MYO3B: variants seen among roughly 807,000 people sequenced by gnomAD.
MYO3B encodes the protein myosin IIIB.
In MYO3B, 156 loss-of-function variants were observed where a neutral mutation model predicts 174.6. The observed-to-expected ratio is 0.89, with a 90% CI of 0.78 to 1.02. The LOEUF is 1.02. Ranked by LOEUF, MYO3B falls within the 50% of genes least tolerant of loss-of-function variation. The pLI, the probability that MYO3B is intolerant of heterozygous loss-of-function variation, is 0.00. For missense variants in MYO3B, 1,632 were observed against 1,639.4 expected (o/e 1.00, Z 0.08); for synonymous variants, 563 against 569.1 (o/e 0.99, Z 0.15).
At chr2:170,576,702 C>T (rs1692809733) in intron 32 of MYO3B, among the ~76,000 whole-genome samples, 1 of 152,176 alleles carries the variant, frequency 6.6e-6, no homozygotes, top group Non-Finnish European at 1.5e-5. Flanking sequence ...CTGCTATAGT[C>T]CTTGTTACTA....
chr2:170,303,399 T>C (rs939167599), intron 7 of MYO3B, among the ~76,000 whole-genome samples: 4 of 152,154 alleles, frequency 2.6e-5, no homozygotes, highest in Non-Finnish European at 5.9e-5. Flanking sequence ...ATCCATCTTA[T>C]GGGTGTAAAA....
At chr2:170,418,588 G>A (rs1172009274) in intron 22 of MYO3B, among the ~76,000 whole-genome samples, 17 of 152,164 alleles carry the variant, frequency 1.1e-4, no homozygotes, top group Admixed American at 9.8e-4. Context: ...GTGGAGTGTG[G>A]TGCTCGGTCC....
intron 9 of MYO3B, among the ~76,000 whole-genome samples, chr2:170,379,248 G>A (rs958778698): frequency 6.9e-6 from 1 of 143,920 alleles, no homozygotes; most frequent in Non-Finnish European, 1.5e-5. Flanking sequence ...AGGTTGGCAT[G>A]CAGTGGCTTG....
chr2:170,321,466 A>T (rs2093825965), intron 7 of MYO3B, among the ~76,000 whole-genome samples: 1 of 152,194 alleles, frequency 6.6e-6, no homozygotes, highest in Non-Finnish European at 1.5e-5. Context: ...AGAGGGAAGT[A>T]ACTACAGATA....
Position 170,577,633 on chromosome 2 carries a change from G to C in MYO3B, c.3733+33645G>C, listed in dbSNP as rs1445886368. Among the ~76,000 whole-genome samples the C allele has an allele frequency of 2.6e-5, 4 of 152,204 alleles. No individual in the cohort carries two copies. The East Asian group carries it at 7.7e-4, about 29-fold the overall frequency. ...TATGAATTCCTCAGGGGAGACAGTG[G>C]GTCTCCACTCCCCATCAGAGAATTG... On this transcript the variant is annotated intron_variant, in intron 32 of 34. Coordinates refer to ENST00000408978, the MANE Select transcript of MYO3B (RefSeq NM_138995.5).
chr2:170,206,250 C>T lies in MYO3B; in HGVS notation c.321+5966C>T, dbSNP rs1157356832. On this transcript the variant is annotated intron_variant, in intron 3 of 34. Coordinates refer to ENST00000408978, the MANE Select transcript of MYO3B (RefSeq NM_138995.5). The surrounding 1 kb of genome is among the most constrained non-coding windows in gnomAD (Gnocchi z 4.3). Reference sequence around the variant, plus strand: ...CCCAAACCCATTTGTCCTTCAAACTCATTGTAAATGTTACATCCTCTGGGA... The same window carrying T: ...CCCAAACCCATTTGTCCTTCAAACTTATTGTAAATGTTACATCCTCTGGGA... 4.6e-5 allele frequency among the ~76,000 whole-genome samples: 7 copies of T among 152,186 alleles called. No individual in the cohort carries two copies. Among genetic ancestry groups the T allele is most frequent in the Non-Finnish European group, 1.0e-4 (7 of 68,040 alleles).
chr2:170,294,124 A>G (rs2093613715), intron 7 of MYO3B, among the ~76,000 whole-genome samples: 1 of 152,046 alleles, frequency 6.6e-6, no homozygotes, highest in African/African-American at 2.4e-5. Context: ...AACAGAACCT[A>G]CTGATCTTTT....
At position 170,499,808 on chromosome 2, in the gene MYO3B, G is replaced by GA; in HGVS notation, c.3289_3289+1insA (p.Ala1097AspfsTer6). 6.2e-7 allele frequency: 1 copy of GA among 1,613,658 alleles called. No individual in the cohort carries two copies. The highest frequency in any genetic ancestry group is 2.2e-5 in the East Asian group (1 of 44,872). On this transcript the variant is annotated frameshift_variant and splice_region_variant. Coordinates refer to ENST00000408978, the MANE Select transcript of MYO3B (RefSeq NM_138995.5). LOFTEE classifies it high-confidence loss of function. ...GAAGGGAGCCATTGCCATCCAGTCA[G>GA]GTAAATGGTCCTGTTCTCATAAATA...
intron 6 of MYO3B, 142 bp from the exon 7 acceptor site, chr2:170,235,849 G>A: frequency 1.1e-6 from 1 of 942,506 alleles, no homozygotes; most frequent in Non-Finnish European, 1.7e-6. Flanking sequence ...ATAAGGCCTA[G>A]AATGCACACA....
intron 20 of MYO3B, 23 bp downstream of exon 20, chr2:170,404,423 G>A (rs1229458286): frequency 1.9e-6 from 3 of 1,587,342 alleles, no homozygotes; most frequent in Non-Finnish European, 1.7e-6. Context: ...TGAGAAACAG[G>A]CATATACATT....
chr2:170,378,976 T>C (rs1057170185), intron 9 of MYO3B, among the ~76,000 whole-genome samples: 3 of 152,202 alleles, frequency 2.0e-5, no homozygotes, highest in Non-Finnish European at 2.9e-5. Context: ...AGATAGCTGC[T>C]CCATGCATTC....
At chr2:170,391,385 G>T in intron 14 of MYO3B, 135 bp from the exon 15 acceptor site, 1 of 539,078 alleles carries the variant, frequency 1.9e-6, no homozygotes, top group Non-Finnish European at 3.3e-6. Context: ...TTCTGTAAGT[G>T]GGATTTATAA....
chr2:170,371,892 C>T (rs2094248729), intron 9 of MYO3B, among the ~76,000 whole-genome samples: 1 of 151,634 alleles, frequency 6.6e-6, no homozygotes, highest in East Asian at 1.9e-4. Flanking sequence ...CACTTGAGCC[C>T]AGGAGTTTGA....
At chr2:170,221,058 T>G (rs1409522199) in intron 6 of MYO3B, among the ~76,000 whole-genome samples, 1 of 152,216 alleles carries the variant, frequency 6.6e-6, no homozygotes, top group Non-Finnish European at 1.5e-5. Context: ...AGCATTTATA[T>G]TGTCCATCTG....
At chr2:170,632,586 A>C (rs1410962360) in intron 32 of MYO3B, among the ~76,000 whole-genome samples, 1 of 152,210 alleles carries the variant, frequency 6.6e-6, no homozygotes, top group Non-Finnish European at 1.5e-5. Context: ...GAGAGGCAAG[A>C]GCAAACACAT....
chr2:170,575,911 G>C (rs568182754), intron 32 of MYO3B, among the ~76,000 whole-genome samples: 1 of 152,076 alleles, frequency 6.6e-6, no homozygotes, highest in Non-Finnish European at 1.5e-5. Flanking sequence ...CTAGACTCTC[G>C]TAGCTGAAAG....
At chr2:170,204,452 A>T (rs1276305883) in intron 3 of MYO3B, among the ~76,000 whole-genome samples, 1 of 152,226 alleles carries the variant, frequency 6.6e-6, no homozygotes, top group Non-Finnish European at 1.5e-5. Flanking sequence ...ATTGTGTTGC[A>T]TGGGCCATTC....
intron 7 of MYO3B, among the ~76,000 whole-genome samples, chr2:170,318,442 G>T (rs1310079801): frequency 6.6e-6 from 1 of 152,174 alleles, no homozygotes; most frequent in African/African-American, 2.4e-5. Flanking sequence ...ACTAGGAATT[G>T]GTGGCACATG....
intron 32 of MYO3B, among the ~76,000 whole-genome samples, chr2:170,645,110 G>A (rs991233075): frequency 6.6e-6 from 1 of 152,100 alleles, no homozygotes. Flanking sequence ...GCATCTATGC[G>A]AGGTAGAAAT....
Sources: gnomAD v4.1 joint callset for allele counts (sites outside exome capture counted in the v4.1 genomes callset) on GRCh38, gnomAD v4.1.1 for gene constraint, Gnocchi (gnomAD v3.1) non-coding constraint, MANE v1.5 for transcripts, NCBI Gene and HGNC (gene_info 2026-07-23, HGNC 2026-07-21) for gene names.